Variants in HECTD4 observed in about 807,000 individuals in gnomAD.
The protein encoded by HECTD4 is probable E3 ubiquitin-protein ligase HECTD4.
In HECTD4, 114 loss-of-function variants were observed where a neutral mutation model predicts 471.5. That is an observed-to-expected ratio of 0.24 (90% CI 0.21 to 0.28). HECTD4 has a LOEUF of 0.28. Ranked by LOEUF, HECTD4 falls within the 10% of genes least tolerant of loss-of-function variation. The pLI is 1.00. For synonymous variants in HECTD4, 2,012 were observed against 2,256.0 expected, an observed-to-expected ratio of 0.89 and a Z score of 3.07; for missense variants, 3,866 against 5,651.5, an observed-to-expected ratio of 0.68 and a Z score of 10.13.
chr12:112,231,145 C>T, intron 39 of HECTD4: 1 of 446,286 alleles, frequency 2.2e-6, no homozygotes. Flanking sequence ...AGAGGCAACA[C>T]TTAACTGCTG....
In HECTD4 at chr12:112,175,922, G is replaced by A. The variant is rs368305652; in HGVS notation, c.11471-63C>T. ...CCTGCGCACATCGCGCGCCTCCAACGTGCTCTGCTCTCACCACAGCCTCTC... is the reference window on the plus strand; with the variant it reads ...CCTGCGCACATCGCGCGCCTCCAACATGCTCTGCTCTCACCACAGCCTCTC... On this transcript the variant is annotated intron_variant, in intron 65 of 75. Transcript: ENST00000682272. 1,670 of 1,589,018 alleles carry A rather than the reference G, an allele frequency of 1.1e-3. 11 individuals are homozygous for A. The African/African-American group carries it at 0.018, about 17-fold the overall frequency.
chr12:112,235,241 G>A lies in HECTD4; in HGVS notation c.5751C>T (p.Thr1917=), dbSNP rs367857753. Residue 1917 remains threonine, a synonymous_variant, in exon 37 of 76, where the codon ACC becomes ACT. Coordinates refer to ENST00000682272, the MANE Select transcript of HECTD4 (RefSeq NM_001388303.1). The surrounding 1 kb of genome is among the most constrained non-coding windows in gnomAD (Gnocchi z 5.0). ...TCAATGTGGTGTCAGGTTCAGAAGC[G>A]GTTGGAGAAAGAACTGTCTGACATC... ...VPGCQTVLSP[T]ASEPDTTLTK... is the part of the protein sequence containing the mutation. The A allele has an allele frequency of 1.4e-5, 22 of 1,613,500 alleles. No homozygotes were observed. The highest frequency in any genetic ancestry group is 6.6e-5 in the South Asian group (6 of 91,006).
At chr12:112,265,090 T>G in intron 16 of HECTD4, 85 bp downstream of exon 16, 1 of 1,260,742 alleles carries the variant, frequency 7.9e-7, no homozygotes, top group Non-Finnish European at 1.1e-6. Context: ...TAAGTCTGTA[T>G]GTATACACAC....
chr12:112,253,125 TTC>T (rs1428382993), intron 22 of HECTD4, among the ~76,000 whole-genome samples: 2 of 148,002 alleles, frequency 1.4e-5, no homozygotes, highest in Admixed American at 1.4e-4. Flanking sequence ...TGAGCATAAT[TTC>T]TCTCTTTTTT....
rs1187952489 is a variant in HECTD4, at chr12:112,160,884, A to G, written c.*1503T>C. 1 of 152,136 alleles carries G rather than the reference A, an allele frequency of 6.6e-6. No individual in the cohort carries two copies. Among genetic ancestry groups the G allele is most frequent in the Non-Finnish European group, 1.5e-5 (1 of 68,028 alleles). 9.4% of individuals were successfully genotyped at this position (152,136 alleles called of 1,614,324 possible). ...CACCTCCAGAGTTGACTTGCATCCA[A>G]TACAACTGATGCAGCTGTCATGATT... On this transcript the variant is annotated 3_prime_UTR_variant, in exon 76 of 76. Transcript: ENST00000682272.
chr12:112,232,204 C>T (rs750471530), intron 38 of HECTD4, among the ~76,000 whole-genome samples: 86 of 152,256 alleles, frequency 5.6e-4, no homozygotes, highest in Non-Finnish European at 9.9e-4. Context: ...GATCTCGGCT[C>T]ACTGCAACCT....
intron 50 of HECTD4, 140 bp downstream of exon 50, chr12:112,209,875 G>A (rs1490030147): frequency 4.4e-6 from 3 of 687,398 alleles, no homozygotes; most frequent in African/African-American, 1.8e-5. Context: ...CACCAGGCCT[G>A]TGACCCCATT....
chr12:112,305,787 GACTGTGAGCATTTCT>G (rs2035260909), intron 7 of HECTD4, among the ~76,000 whole-genome samples: 2 of 152,188 alleles, frequency 1.3e-5, no homozygotes, highest in Admixed American at 1.3e-4. Flanking sequence ...ATTTCCAACA[GACTGTGAGCATTTCT>G]ACTTAAATAC....
At chr12:112,237,494 A>G (rs1290638634) in intron 34 of HECTD4, among the ~76,000 whole-genome samples, 1 of 152,216 alleles carries the variant, frequency 6.6e-6, no homozygotes, top group East Asian at 1.9e-4. Flanking sequence ...AGCATGTAAA[A>G]GTTATGAAAA....
chr12:112,361,829 G>A (rs571852263), intron 1 of HECTD4, among the ~76,000 whole-genome samples: 13 of 152,196 alleles, frequency 8.5e-5, no homozygotes, highest in South Asian at 2.1e-4. Context: ...GAATGTTAAC[G>A]TGTATTCCAA....
Position 112,231,679 on chromosome 12 carries a change from C to G in HECTD4, c.6034G>C (p.Ala2012Pro), listed in dbSNP as rs760646915. ...CCEVITEEAAAALRKATKWAQ... is the reference protein window; with the variant it reads ...CCEVITEEAAPALRKATKWAQ... ...CACTTGGTGGCTTTCCGCAGGGCGG[C>G]TGCAGCCTCTTCTGTAATCACTTCG... Residue 2012 changes from alanine (A) to proline (P), a missense_variant, in exon 39 of 76, where the codon GCC becomes CCC. Coordinates refer to ENST00000682272, the MANE Select transcript of HECTD4 (RefSeq NM_001388303.1). The G allele has an allele frequency of 2.5e-6, 4 of 1,612,806 alleles. No individual in the cohort carries two copies. The South Asian group carries it at 4.4e-5, about 18-fold the overall frequency.
At chr12:112,320,349 A>C (rs2035559526) in intron 1 of HECTD4, among the ~76,000 whole-genome samples, 1 of 147,916 alleles carries the variant, frequency 6.8e-6, no homozygotes, top group Non-Finnish European at 1.5e-5. Context: ...ATAATACTAC[A>C]AAAAAAAAGG....
chr12:112,175,032 C>G (rs574506972), intron 66 of HECTD4, among the ~76,000 whole-genome samples: 1 of 152,300 alleles, frequency 6.6e-6, no homozygotes, highest in African/African-American at 2.4e-5. Flanking sequence ...GAAGCCCTGG[C>G]AAGCTGTGGC....
intron 43 of HECTD4, 99 bp downstream of exon 43, chr12:112,227,990 G>A (rs564991728): frequency 1.1e-4 from 112 of 1,062,600 alleles, no homozygotes; most frequent in Non-Finnish European, 1.4e-4. Flanking sequence ...TTCAAGCTGT[G>A]GATTCACTAA....
At chr12:112,222,826 C>A (rs1166577712) in intron 44 of HECTD4, among the ~76,000 whole-genome samples, 5 of 152,002 alleles carry the variant, frequency 3.3e-5, no homozygotes, top group African/African-American at 1.2e-4. Flanking sequence ...AGAGCGAAAC[C>A]CTGTCTCAAA....
intron 23 of HECTD4, among the ~76,000 whole-genome samples, chr12:112,251,800 TCTCA>T (rs1268957926): frequency 5.3e-5 from 8 of 152,156 alleles, no homozygotes; most frequent in Non-Finnish European, 8.8e-5. Context: ...TGAGACGGAG[TCTCA>T]CTCTATCACC....
chr12:112,186,005 A>G (rs549265727), intron 60 of HECTD4, among the ~76,000 whole-genome samples: 2 of 152,216 alleles, frequency 1.3e-5, no homozygotes, highest in East Asian at 3.9e-4. Context: ...TTCTTTTTTG[A>G]GACAGGGTCT....
Position 112,258,488 on chromosome 12 carries a change from T to C in HECTD4, c.3128+8A>G, listed in dbSNP as rs2034075140. The C allele has an allele frequency of 6.4e-7, 1 of 1,564,400 alleles. No homozygotes were observed. Among genetic ancestry groups the C allele is most frequent in the Admixed American group, 2.0e-5 (1 of 50,008 alleles). On this transcript the variant is annotated splice_region_variant and intron_variant, in intron 20 of 75. Transcript: ENST00000682272. ...AAAGGGTTCCTGCAAGGAAGCAGCA[T>C]TCATTACCTCTCATCAGGGAACAGC...
At chr12:112,295,465 A>G (rs1464992367) in intron 7 of HECTD4, among the ~76,000 whole-genome samples, 1 of 151,164 alleles carries the variant, frequency 6.6e-6, no homozygotes, top group Non-Finnish European at 1.5e-5. Context: ...TCCTGGACTG[A>G]AGTGATCCTT....
Sources: gnomAD v4.1 joint callset for allele counts (sites outside exome capture counted in the v4.1 genomes callset) on GRCh38, gnomAD v4.1.1 for gene constraint, Gnocchi (gnomAD v3.1) non-coding constraint, MANE v1.5 for transcripts, NCBI Gene and HGNC (gene_info 2026-07-23, HGNC 2026-07-21) for gene names.